ADSL: variants seen among roughly 807,000 people sequenced by gnomAD.
The protein encoded by ADSL is adenylosuccinase.
In ADSL, 44 loss-of-function variants were observed where a neutral mutation model predicts 62.1. That is an observed-to-expected ratio of 0.71 (90% CI 0.56 to 0.91). ADSL has a LOEUF of 0.91. Among genes scored for constraint, ADSL ranks in the 40% least tolerant of loss-of-function variants. The pLI, the probability that ADSL is intolerant of heterozygous loss-of-function variation, is 0.00. For missense variants in ADSL, 531 were observed against 627.4 expected (o/e 0.85, Z 1.64); for synonymous variants, 198 against 220.5 (o/e 0.90, Z 0.90).
In ADSL at chr22:40,364,655, C is replaced by T. The variant is rs570295578; in HGVS notation, c.1192-225C>T. The T allele has an allele frequency of 9.8e-5, 62 of 632,710 alleles. No individual in the cohort carries two copies. The South Asian group carries it at 1.0e-3, about 11-fold the overall frequency. The allele number at this position is 632,710 out of a possible 1,614,324, so 39.2% of individuals were successfully genotyped here. A position where few individuals can be genotyped will look rare whatever the true frequency, so the allele number is the denominator to read the frequency against. ...CGAGCAAATGATTCATGAGGCTTTA[C>T]AGAAGAGGGCCAGAGCAAGGTGGGC... On this transcript the variant is annotated intron_variant, in intron 11 of 12. Coordinates refer to ENST00000623063, the MANE Select transcript of ADSL (RefSeq NM_000026.4).
chr22:40,387,078 A>G (rs1460702432), intron 2 of ADSL: 2 of 394,288 alleles, frequency 5.1e-6, no homozygotes, highest in Non-Finnish European at 8.9e-6. Context: ...GTTGATAACT[A>G]GAGTTGTGCT....
At chr22:40,352,482 C>T (rs771882279) in intron 2 of ADSL, among the ~76,000 whole-genome samples, 1 of 151,898 alleles carries the variant, frequency 6.6e-6, no homozygotes, top group African/African-American at 2.4e-5. Flanking sequence ...GAGCTGAGAT[C>T]GCGCCACTGC....
At chr22:40,351,613 G>A (rs1411787145) in intron 2 of ADSL, among the ~76,000 whole-genome samples, 2 of 151,964 alleles carry the variant, frequency 1.3e-5, no homozygotes, top group African/African-American at 2.4e-5. Flanking sequence ...GGCCTAGCTT[G>A]TGCTCTTAAT....
Position 40,365,059 on chromosome 22 carries a change from A to G in ADSL, c.1368+3A>G, listed in dbSNP as rs761279806. On this transcript the variant is annotated splice_donor_region_variant and intron_variant, in intron 12 of 12. Coordinates refer to ENST00000623063, the MANE Select transcript of ADSL (RefSeq NM_000026.4). ...TCACTGGTCGTGCCTCCCAGCAGGTAAGCTTCCAAGAAGCCTCTTTTCTGC... is the reference window on the plus strand; with the variant it reads ...TCACTGGTCGTGCCTCCCAGCAGGTGAGCTTCCAAGAAGCCTCTTTTCTGC... 8 of 1,612,416 alleles carry G rather than the reference A, an allele frequency of 5.0e-6. No individual in the cohort carries two copies. In the African/African-American group the frequency reaches 6.7e-5, roughly 13 times the overall value.
chr22:40,349,606 GT>G (rs1338583587), intron 1 of ADSL, among the ~76,000 whole-genome samples: 1 of 152,006 alleles, frequency 6.6e-6, no homozygotes, highest in Non-Finnish European at 1.5e-5. Flanking sequence ...TTGGAGCTTT[GT>G]TATAGTATAC....
chr22:40,364,805 A>G lies in ADSL; in HGVS notation c.1192-75A>G. The G allele has an allele frequency of 2.0e-6, 3 of 1,474,388 alleles. No homozygotes were observed. In the South Asian group the frequency reaches 3.4e-5, roughly 17 times the overall value. 91.3% of individuals were successfully genotyped at this position (1,474,388 alleles called of 1,614,324 possible). A position where few individuals can be genotyped will look rare whatever the true frequency, so the allele number is the denominator to read the frequency against. ...AGCTGTGTAGACTGCATGGATGGGA[A>G]GTATCTGATGACTTTTTAAAAGTGT... On this transcript the variant is annotated intron_variant, in intron 11 of 12. Transcript: ENST00000623063.
intron 2 of ADSL, among the ~76,000 whole-genome samples, chr22:40,375,809 G>A (rs575445375): frequency 2.0e-5 from 3 of 151,960 alleles, no homozygotes; most frequent in Admixed American, 6.6e-5. Flanking sequence ...AGGCTGAGGT[G>A]GAAGGATCAC....
intron 1 of ADSL, among the ~76,000 whole-genome samples, chr22:40,346,914 T>G (rs2044164876): frequency 6.6e-6 from 1 of 152,200 alleles, no homozygotes; most frequent in African/African-American, 2.4e-5. Flanking sequence ...CCTCACGTGT[T>G]CTCAGTCCGA....
At chr22:40,365,136 T>A in intron 12 of ADSL, 80 bp downstream of exon 12, 3 of 1,459,532 alleles carry the variant, frequency 2.1e-6, no homozygotes, top group Non-Finnish European at 2.9e-6. Flanking sequence ...TTATAGGAGG[T>A]ATGGTGGGAA....
rs2045025231 is a variant in ADSL, at chr22:40,366,972, A to G, written c.*450A>G. The stretch of plus-strand genomic sequence containing the variant: ...AAGTGATGAAGTTTGGAACTACAGT[A>G]AATACTTAAAAAAAAAAAAAAAAAG... On this transcript the variant is annotated 3_prime_UTR_variant, in exon 13 of 13. Transcript: ENST00000623063. The G allele has an allele frequency of 1.3e-5, 2 of 159,928 alleles. No individual in the cohort carries two copies. Among genetic ancestry groups the G allele is most frequent in the Non-Finnish European group, 2.7e-5 (2 of 74,334 alleles). 9.9% of individuals were successfully genotyped at this position (159,928 alleles called of 1,614,324 possible). A position where few individuals can be genotyped will look rare whatever the true frequency, so the allele number is the denominator to read the frequency against.
Position 40,368,460 on chromosome 22 carries a change from C to T in ADSL, c.*1938C>T, listed in dbSNP as rs2146683000. 6.6e-6 allele frequency: 1 copy of T among 152,096 alleles called. No individual in the cohort carries two copies. The highest frequency in any genetic ancestry group is 1.9e-4 in the East Asian group (1 of 5,152). The allele number at this position is 152,096 out of a possible 1,614,324, so 9.4% of individuals were successfully genotyped here. ...TTAGTCCAGGCTGGGTGACAGCGAG[C>T]CCTTGTCACTTAAAGCCAACCTAAG... is the stretch of plus-strand genomic sequence containing the variant. On this transcript the variant is annotated 3_prime_UTR_variant, in exon 13 of 13. Coordinates refer to ENST00000623063, the MANE Select transcript of ADSL (RefSeq NM_000026.4).
intron 4 of ADSL, among the ~76,000 whole-genome samples, chr22:40,357,945 G>A (rs1045541959): frequency 6.6e-5 from 10 of 151,740 alleles, no homozygotes; most frequent in Admixed American, 1.3e-4. Flanking sequence ...TTAATTTTTT[G>A]TATTTTTAGT....
At chr22:40,353,184 C>A (rs2044414501) in intron 3 of ADSL, 67 bp downstream of exon 3, 2 of 1,220,070 alleles carry the variant, frequency 1.6e-6, no homozygotes, top group Non-Finnish European at 2.4e-6. Flanking sequence ...GCACCAGTTA[C>A]AACTAAATCA....
chr22:40,374,982 C>T (rs1214446116), intron 2 of ADSL, among the ~76,000 whole-genome samples: 1 of 152,136 alleles, frequency 6.6e-6, no homozygotes, highest in African/African-American at 2.4e-5. Context: ...TTGACAGCAC[C>T]ATTGTTTGAA....
At chr22:40,361,040 C>T (rs2044763983) in intron 7 of ADSL, 1 of 604,734 alleles carries the variant, frequency 1.7e-6, no homozygotes, top group East Asian at 3.0e-5. Context: ...ATGCCTTAAG[C>T]AGTGTTTCAC....
At chr22:40,358,452 T>C (rs2044649692) in intron 4 of ADSL, among the ~76,000 whole-genome samples, 1 of 152,108 alleles carries the variant, frequency 6.6e-6, no homozygotes, top group African/African-American at 2.4e-5. Context: ...GGCATGGTAT[T>C]GCATGCCTGT....
chr22:40,359,191 G>A (rs1021146802), intron 5 of ADSL, 69 bp from the exon 6 acceptor site: 27 of 1,591,412 alleles, frequency 1.7e-5, no homozygotes, highest in Non-Finnish European at 2.1e-5. Context: ...ACCTGGGTAG[G>A]ATGACAGGTT....
At chr22:40,348,308 GGCAGTTCT>G in intron 1 of ADSL, 1 of 397,450 alleles carries the variant, frequency 2.5e-6, no homozygotes, top group Middle Eastern at 6.3e-4. Context: ...AAAGGTTCCA[GGCAGTTCT>G]GCCACATGTG....
chr22:40,355,280 C>CT (rs1333886082), intron 4 of ADSL, among the ~76,000 whole-genome samples: 3 of 152,010 alleles, frequency 2.0e-5, no homozygotes, highest in Non-Finnish European at 4.4e-5. Context: ...GTAGCTGGGA[C>CT]TACAGGCGCC....
Sources: gnomAD v4.1 joint callset for allele counts (sites outside exome capture counted in the v4.1 genomes callset) on GRCh38, gnomAD v4.1.1 for gene constraint, MANE v1.5 for transcripts, NCBI Gene and HGNC (gene_info 2026-07-23, HGNC 2026-07-21) for gene names.